The following ZFHX3 variants were observed in gnomAD, a reference collection of about 807,000 sequenced individuals.
ZFHX3 encodes zinc finger homeobox 3.
Under a neutral mutation model 279.1 loss-of-function variants are expected in ZFHX3, and 42 were observed. The ratio of observed to expected loss-of-function variants is 0.15; its 90% CI spans 0.12 to 0.19. The LOEUF is 0.19. Ranked by LOEUF, ZFHX3 falls within the 10% of genes least tolerant of loss-of-function variation. The pLI is 1.00. For synonymous variants in ZFHX3, 2,293 were observed against 1,957.8 expected (o/e 1.17, Z -4.52); for missense variants, 4,981 against 4,754.0 (o/e 1.05, Z -1.40).
At chr16:73,536,524 T>C (rs558138868) in intron 2 of ZFHX3, among the ~76,000 whole-genome samples, 5 of 152,344 alleles carry the variant, frequency 3.3e-5, no homozygotes, top group Admixed American at 3.3e-4. Context: ...CTGCATAAAG[T>C]ATAACCTCAT....
chr16:73,346,183 C>G (rs537957053), intron 3 of ZFHX3, among the ~76,000 whole-genome samples: 1 of 152,138 alleles, frequency 6.6e-6, no homozygotes, highest in Non-Finnish European at 1.5e-5. Flanking sequence ...GATGCCCAGA[C>G]AAAGTGTGAT....
At chr16:72,843,403 T>C (rs1163626274) in intron 4 of ZFHX3, among the ~76,000 whole-genome samples, 10 of 150,412 alleles carry the variant, frequency 6.6e-5, no homozygotes, top group East Asian at 2.0e-4. Context: ...CCCAGCTACT[T>C]GGGAGGCTGA....
At chr16:73,648,208 C>G (rs1221784839) in intron 2 of ZFHX3, among the ~76,000 whole-genome samples, 1 of 152,116 alleles carries the variant, frequency 6.6e-6, no homozygotes, top group African/African-American at 2.4e-5. Flanking sequence ...CCGACTGATG[C>G]ATTATTTTAA....
At chr16:73,061,923 A>G (rs930290224), upstream of ZFHX3, 17 of 152,188 alleles carry the variant, frequency 1.1e-4, no homozygotes, top group Non-Finnish European at 7.4e-5. Context: ...AATGTATTTC[A>G]TGTTACAATA....
At chr16:73,799,133 C>A (rs929464013) in intron 1 of ZFHX3, among the ~76,000 whole-genome samples, 4 of 152,104 alleles carry the variant, frequency 2.6e-5, no homozygotes, top group Non-Finnish European at 5.9e-5. Context: ...CTGGAGGCAC[C>A]AATGAGGTGA....
intron 7 of ZFHX3, among the ~76,000 whole-genome samples, chr16:73,113,352 T>C (rs1966399560): frequency 6.6e-6 from 1 of 152,072 alleles, no homozygotes; most frequent in Non-Finnish European, 1.5e-5. Flanking sequence ...TAAGAACAAG[T>C]TGTCATTGAG....
At chr16:73,698,036 A>G (rs2053213497) in intron 1 of ZFHX3, among the ~76,000 whole-genome samples, 2 of 152,186 alleles carry the variant, frequency 1.3e-5, no homozygotes, top group Non-Finnish European at 2.9e-5. Flanking sequence ...ACAACTCAAA[A>G]AGAGGAAGAG....
At chr16:73,529,145 G>C (rs2019748209) in intron 2 of ZFHX3, among the ~76,000 whole-genome samples, 1 of 152,176 alleles carries the variant, frequency 6.6e-6, no homozygotes, top group African/African-American at 2.4e-5. Flanking sequence ...AATACATTGA[G>C]GGCCTAAATT....
At chr16:73,813,138 C>G (rs1276481384) in intron 1 of ZFHX3, among the ~76,000 whole-genome samples, 1 of 152,106 alleles carries the variant, frequency 6.6e-6, no homozygotes, top group Non-Finnish European at 1.5e-5. Flanking sequence ...GAATAAGTAA[C>G]ACCTTTCTCA....
At chr16:73,139,809 T>C (rs2144831476) in intron 6 of ZFHX3, among the ~76,000 whole-genome samples, 1 of 152,364 alleles carries the variant, frequency 6.6e-6, no homozygotes, top group South Asian at 2.1e-4. Context: ...TCATATCATC[T>C]TTGTAAGGCA....
intron 3 of ZFHX3, among the ~76,000 whole-genome samples, chr16:73,412,507 C>T (rs2017491228): frequency 3.1e-4 from 1 of 3,226 alleles, no homozygotes; most frequent in Admixed American, 9.2e-4. Context: ...AGACAACTCC[C>T]TCCCCTCCCC....
chr16:73,236,377 C>T (rs1251243643), intron 5 of ZFHX3, among the ~76,000 whole-genome samples: 6 of 152,160 alleles, frequency 3.9e-5, no homozygotes, highest in Non-Finnish European at 7.3e-5. Flanking sequence ...GCAGGTGGAT[C>T]GCTTGAGATC....
intron 1 of ZFHX3, among the ~76,000 whole-genome samples, chr16:73,034,639 T>A (rs1437937255): frequency 6.6e-6 from 1 of 152,162 alleles, no homozygotes; most frequent in African/African-American, 2.4e-5. Flanking sequence ...GTGATTTCAG[T>A]AATATACATG....
At chr16:73,018,978 C>T (rs1362767686) in intron 1 of ZFHX3, among the ~76,000 whole-genome samples, 1 of 152,132 alleles carries the variant, frequency 6.6e-6, no homozygotes, top group Non-Finnish European at 1.5e-5. Flanking sequence ...CCTCAGAGGC[C>T]CAGAGCTCCG....
intron 5 of ZFHX3, among the ~76,000 whole-genome samples, chr16:73,256,832 C>T (rs1051242178): frequency 1.3e-5 from 2 of 152,120 alleles, no homozygotes; most frequent in South Asian, 2.1e-4. Context: ...TGGTGAATCT[C>T]CTCTCCATCA....
intron 2 of ZFHX3, among the ~76,000 whole-genome samples, chr16:73,677,952 C>T (rs2052971415): frequency 6.6e-6 from 1 of 151,944 alleles, no homozygotes; most frequent in Admixed American, 6.6e-5. Flanking sequence ...AATGGAATGA[C>T]TCAATATTAC....
chr16:73,865,857 C>A (rs1380195301), intron 1 of ZFHX3, among the ~76,000 whole-genome samples: 2 of 151,656 alleles, frequency 1.3e-5, no homozygotes, highest in African/African-American at 2.4e-5. Context: ...TGGTGGCAGG[C>A]ACCTGTAGTC....
At chr16:73,059,286 G>C (rs986737229) in exon 1 of ZFHX3, 1 of 149,230 alleles carries the variant, frequency 6.7e-6, no homozygotes, top group African/African-American at 2.5e-5. Context: ...TGGGAGAAGA[G>C]CCTAGAAGAG....
At chr16:73,857,341 C>G (rs1290255542) in intron 1 of ZFHX3, among the ~76,000 whole-genome samples, 2 of 152,134 alleles carry the variant, frequency 1.3e-5, no homozygotes, top group African/African-American at 2.4e-5. Context: ...AAGATGGCAT[C>G]TAAATGCACT....
Sources: gnomAD v4.1 joint callset for allele counts (sites outside exome capture counted in the v4.1 genomes callset) on GRCh38, gnomAD v4.1.1 for gene constraint, MANE v1.5 for transcripts, NCBI Gene and HGNC (gene_info 2026-07-23, HGNC 2026-07-21) for gene names.